BCAR3: variants seen among roughly 807,000 people sequenced by gnomAD.
The protein encoded by BCAR3 is BCAR3 adaptor protein, NSP family member.
A neutral mutation model predicts 80.1 loss-of-function variants in BCAR3; 37 were observed. The observed-to-expected ratio is 0.46, with a 90% confidence interval of 0.36 to 0.61. The LOEUF (loss-of-function observed/expected upper bound fraction) is 0.61. Among genes scored for constraint, BCAR3 ranks in the 20% least tolerant of loss-of-function variants. The pLI is 0.00. For synonymous variants in BCAR3, 389 were observed against 418.9 expected (o/e 0.93, Z 0.87); for missense variants, 978 against 1,068.2 (o/e 0.92, Z 1.18).
At position 93,718,945 on chromosome 1, in the gene BCAR3, G is replaced by A. The variant is rs182602522; in HGVS notation, c.-62-12803C>T. 4.1e-3 allele frequency among the ~76,000 whole-genome samples: 626 copies of A among 151,080 alleles called. 3 individuals carry two copies. The highest frequency in any genetic ancestry group is 5.2e-3 in the Non-Finnish European group (355 of 67,796). ...TTGAACTACTGAACTCAAGCAATCCGCCCGCCTCGGCCTCCCAAAGTGTTA... is the reference window on the plus strand; with the variant it reads ...TTGAACTACTGAACTCAAGCAATCCACCCGCCTCGGCCTCCCAAAGTGTTA... On this transcript the variant is annotated intron_variant, in intron 2 of 13. Transcript: ENST00000370244.
chr1:93,565,854 G>A (rs1192875136), intron 11 of BCAR3, among the ~76,000 whole-genome samples: 4 of 152,152 alleles, frequency 2.6e-5, no homozygotes, highest in Non-Finnish European at 5.9e-5. Context: ...CCCCCACATA[G>A]TTCTTAACTT....
At chr1:93,777,173 T>C (rs951741884) in intron 2 of BCAR3, among the ~76,000 whole-genome samples, 2 of 152,188 alleles carry the variant, frequency 1.3e-5, no homozygotes, top group Admixed American at 6.5e-5. Context: ...AACACAGCCC[T>C]GTCAGTATTT....
chr1:93,707,216 A>G (rs893273461), intron 2 of BCAR3, among the ~76,000 whole-genome samples: 5 of 152,252 alleles, frequency 3.3e-5, no homozygotes, highest in African/African-American at 1.2e-4. Flanking sequence ...CAAACTGTAT[A>G]ATATTATTGC....
At chr1:93,755,378 A>G (rs1194278563) in intron 2 of BCAR3, among the ~76,000 whole-genome samples, 4 of 152,180 alleles carry the variant, frequency 2.6e-5, no homozygotes, top group African/African-American at 9.6e-5. Flanking sequence ...TCACTGACTC[A>G]CCCAGAACAA....
intron 2 of BCAR3, among the ~76,000 whole-genome samples, chr1:93,744,248 T>C (rs904976032): frequency 2.6e-5 from 4 of 152,200 alleles, no homozygotes; most frequent in African/African-American, 9.6e-5. Context: ...TTCCCAATGG[T>C]GCTTGATTGC....
intron 2 of BCAR3, among the ~76,000 whole-genome samples, chr1:93,657,993 T>G (rs1019689183): frequency 1.3e-5 from 2 of 150,542 alleles, no homozygotes; most frequent in Non-Finnish European, 3.0e-5. Context: ...TCACCAGGAG[T>G]GCAGTGGCAT....
At chr1:93,685,784 G>C (rs1316860068), upstream of BCAR3, among the ~76,000 whole-genome samples, 1 of 152,168 alleles carries the variant, frequency 6.6e-6, no homozygotes, top group Admixed American at 6.5e-5. Context: ...AGCTTGGCCA[G>C]AAGGTGTTAT....
intron 3 of BCAR3, among the ~76,000 whole-genome samples, chr1:93,690,756 T>C (rs1292307772): frequency 6.6e-6 from 1 of 152,184 alleles, no homozygotes; most frequent in African/African-American, 2.4e-5. Context: ...ACAAAAAATA[T>C]GTTTAGTGCC....
intron 2 of BCAR3, among the ~76,000 whole-genome samples, chr1:93,710,426 T>C (rs1332666110): frequency 6.6e-6 from 1 of 152,178 alleles, no homozygotes; most frequent in Non-Finnish European, 1.5e-5. Context: ...AAACCCAAAG[T>C]TACTAATTTG....
At chr1:93,630,377 A>T (rs1675578245) in intron 3 of BCAR3, among the ~76,000 whole-genome samples, 1 of 152,052 alleles carries the variant, frequency 6.6e-6, no homozygotes. Context: ...TAATCTCAGC[A>T]CTTTGGGAGG....
At chr1:93,607,650 C>T (rs573260607) in intron 3 of BCAR3, among the ~76,000 whole-genome samples, 3 of 152,242 alleles carry the variant, frequency 2.0e-5, no homozygotes, top group Non-Finnish European at 2.9e-5. Context: ...CCCCAACCAC[C>T]TCTATGGGCT....
intron 2 of BCAR3, among the ~76,000 whole-genome samples, chr1:93,835,755 G>T (rs1222198406): frequency 6.6e-6 from 1 of 152,124 alleles, no homozygotes; most frequent in African/African-American, 2.4e-5. Context: ...CCCTGCCCAG[G>T]ACTGGCAAAT....
chr1:93,664,408 C>A (rs978013748), intron 2 of BCAR3, among the ~76,000 whole-genome samples: 1 of 152,184 alleles, frequency 6.6e-6, no homozygotes, highest in East Asian at 1.9e-4. Context: ...CGTGAGCCAC[C>A]GCGCCTGGCC....
chr1:93,602,581 A>C (rs1224752532), intron 3 of BCAR3: 1 of 152,218 alleles, frequency 6.6e-6, no homozygotes, highest in Non-Finnish European at 1.5e-5. Context: ...ACCCGAAATG[A>C]AGTTCTTTGG....
chr1:93,604,101 A>G (rs969505425), intron 3 of BCAR3, among the ~76,000 whole-genome samples: 2 of 152,230 alleles, frequency 1.3e-5, no homozygotes, highest in African/African-American at 2.4e-5. Context: ...TTTTGTAGTT[A>G]GATCTCTATC....
chr1:93,613,321 C>T (rs190510356), intron 3 of BCAR3, among the ~76,000 whole-genome samples: 27 of 152,242 alleles, frequency 1.8e-4, no homozygotes, highest in Admixed American at 1.6e-3. Flanking sequence ...CTCTTGGCAC[C>T]GGTGTCTTAT....
In BCAR3 at chr1:93,771,236, CTT is replaced by C. The variant is rs368538558; in HGVS notation, c.-62-65096_-62-65095del. ...TAGGAGAAACAGCAAAATTAAGTGACTTTTTCTGAGGTTACACAGGCAATCTA... is the reference window on the plus strand; with the variant it reads ...TAGGAGAAACAGCAAAATTAAGTGACTTTCTGAGGTTACACAGGCAATCTA... On this transcript the variant is annotated intron_variant, in intron 2 of 13. Transcript: ENST00000370244. Among the ~76,000 whole-genome samples the C allele has an allele frequency of 2.7e-3, 407 of 152,218 alleles. 1 individual carries two copies. The highest frequency in any genetic ancestry group is 9.5e-3 in the African/African-American group (393 of 41,542).
chr1:93,784,145 G>A (rs1641622323), intron 2 of BCAR3, among the ~76,000 whole-genome samples: 1 of 149,110 alleles, frequency 6.7e-6, no homozygotes, highest in South Asian at 2.1e-4. Context: ...GATGCTATAT[G>A]AAGTGGTGAT....
chr1:93,761,097 T>C (rs1651928674), intron 2 of BCAR3, among the ~76,000 whole-genome samples: 1 of 152,106 alleles, frequency 6.6e-6, no homozygotes, highest in African/African-American at 2.4e-5. Context: ...AAGCAGGAAC[T>C]TAGGGTCAAG....
Sources: gnomAD v4.1 joint callset for allele counts (sites outside exome capture counted in the v4.1 genomes callset) on GRCh38, gnomAD v4.1.1 for gene constraint, MANE v1.5 for transcripts, NCBI Gene and HGNC (gene_info 2026-07-23, HGNC 2026-07-21) for gene names.